The following NUDT16 variants were observed in gnomAD, a reference collection of about 807,000 sequenced individuals.
NUDT16 encodes the protein U8 snoRNA-decapping enzyme.
In NUDT16, 12 loss-of-function variants were observed where a neutral mutation model predicts 11.7. The observed-to-expected ratio is 1.03, with a 90% CI of 0.66 to 1.67. The LOEUF (loss-of-function observed/expected upper bound fraction) is 1.67. Ranked by LOEUF, NUDT16 falls within the 40% of genes most tolerant of loss-of-function variation. The pLI is 0.00. For missense variants in NUDT16, 303 were observed against 268.9 expected, an observed-to-expected ratio of 1.13 and a Z score of -0.89; for synonymous variants, 129 against 122.6, an observed-to-expected ratio of 1.05 and a Z score of -0.35.
upstream of NUDT16, chr3:131,381,671 A>C: frequency 6.2e-6 from 6 of 966,792 alleles, no homozygotes; most frequent in Non-Finnish European, 1.5e-6. Context: ...CCCCGCCCCC[A>C]GGCGCCTAGG....
At chr3:131,382,650 C>G (rs1708115503) in intron 2 of NUDT16, 1 of 1,456,312 alleles carries the variant, frequency 6.9e-7, no homozygotes, top group South Asian at 1.4e-5. Context: ...GTTTGCTTTT[C>G]TTGTGTAGGA....
In NUDT16 at chr3:131,382,098, C is replaced by T. The variant is rs767264384; in HGVS notation, c.191C>T (p.Thr64Met). The T allele has an allele frequency of 3.1e-6, 5 of 1,598,802 alleles. No individual in the cohort carries two copies. Among genetic ancestry groups the T allele is most frequent in the Non-Finnish European group, 4.3e-6 (5 of 1,172,534 alleles). The change falls in exon 2 of 3, where the codon ACG becomes ATG. Residue 64 changes from threonine (T) to methionine (M), a missense_variant. Physicochemically the swap from Thr to Met is moderately conservative, Grantham distance 81 (BLOSUM62 -1). Coordinates refer to ENST00000521288, the MANE Select transcript of NUDT16 (RefSeq NM_152395.3). ...GGCTTCCCCGGCGGATTCGTGGACA[C>T]GCAGGACAGAAGCCTAGAGGACGGG... Reference protein sequence around the residue: ...RLGFPGGFVDTQDRSLEDGLN... With the variant: ...RLGFPGGFVDMQDRSLEDGLN...
In NUDT16 at chr3:131,381,998, G is replaced by A. The variant is rs1180260093; in HGVS notation, c.139-48G>A. The A allele has an allele frequency of 3.8e-6, 6 of 1,589,020 alleles. No homozygotes were observed. In the African/African-American group the frequency reaches 5.4e-5, roughly 14 times the overall value. ...GCCTGAGCCCCGCACCCTCTCTGGT[G>A]GTCTCCTCTGGGGCGCCCCTGCCAA... On this transcript the variant is annotated intron_variant, in intron 1 of 2. Transcript: ENST00000521288.
chr3:131,381,803 C>G lies in NUDT16; in HGVS notation c.-2C>G. On this transcript the variant is annotated 5_prime_UTR_variant, in exon 1 of 3. Transcript: ENST00000521288. The stretch of plus-strand genomic sequence containing the variant: ...GGGACAGCAGAGGAGCAGTGTCCGG[C>G]CATGGCCGGAGCCCGCAGGCTGGAG... 6.5e-7 allele frequency: 1 copy of G among 1,549,588 alleles called. No individual in the cohort carries two copies. Among genetic ancestry groups the G allele is most frequent in the Non-Finnish European group, 8.7e-7 (1 of 1,154,226 alleles).
chr3:131,383,706 C>T lies in NUDT16; in HGVS notation c.*365C>T. ...CTTGAAGTGGCATTTGTCACACTAC[C>T]CTGGTCCCTGATTGCAAGGAGCTTC... On this transcript the variant is annotated 3_prime_UTR_variant, in exon 3 of 3. Coordinates refer to ENST00000521288, the MANE Select transcript of NUDT16 (RefSeq NM_152395.3). This position sits in a 1 kb window ranked among gnomAD's most constrained non-coding sequence, Gnocchi z 4.4. The T allele has an allele frequency of 2.0e-6, 1 of 488,898 alleles. No homozygotes were observed. Among genetic ancestry groups the T allele is most frequent in the Non-Finnish European group, 3.7e-6 (1 of 270,888 alleles). The allele number at this position is 488,898 out of a possible 1,614,324, so 30.3% of individuals were successfully genotyped here.
chr3:131,382,750 G>A, intron 2 of NUDT16: 2 of 1,344,336 alleles, frequency 1.5e-6, no homozygotes, highest in Non-Finnish European at 1.9e-6. Flanking sequence ...AATCATCGGG[G>A]CGTCTTATTA....
In NUDT16 at chr3:131,385,278, G is replaced by C. The variant is rs2097459250; in HGVS notation, c.*1937G>C. ...GAGAGGTGGAGCAATCTCAGGTAAA[G>C]GCAAAATAGAGGGTATGACCTGGGG... On this transcript the variant is annotated 3_prime_UTR_variant, in exon 3 of 3. Transcript: ENST00000521288. 1 of 152,312 alleles carries C rather than the reference G, an allele frequency of 6.6e-6. No individual in the cohort carries two copies. Among genetic ancestry groups the C allele is most frequent in the Admixed American group, 6.5e-5 (1 of 15,282 alleles). The allele number at this position is 152,312 out of a possible 1,614,324, so 9.4% of individuals were successfully genotyped here. A position where few individuals can be genotyped will look rare whatever the true frequency, so the allele number is the denominator to read the frequency against.
At position 131,383,732 on chromosome 3, in the gene NUDT16, T is replaced by A. The variant is rs929938832; in HGVS notation, c.*391T>A. The stretch of plus-strand genomic sequence containing the variant: ...CTGGTCCCTGATTGCAAGGAGCTTC[T>A]GAAGCAAGGGTGAATCCTTCCCACA... On this transcript the variant is annotated 3_prime_UTR_variant, in exon 3 of 3. Transcript: ENST00000521288. The surrounding 1 kb of genome is among the most constrained non-coding windows in gnomAD (Gnocchi z 4.4). 2 of 434,572 alleles carry A rather than the reference T, an allele frequency of 4.6e-6. No individual in the cohort carries two copies. The highest frequency in any genetic ancestry group is 8.4e-6 in the Non-Finnish European group (2 of 237,312). 26.9% of individuals were successfully genotyped at this position (434,572 alleles called of 1,614,324 possible). A position where few individuals can be genotyped will look rare whatever the true frequency, so the allele number is the denominator to read the frequency against.
intron 2 of NUDT16, chr3:131,382,676 T>A (rs939894352): frequency 3.5e-6 from 5 of 1,440,770 alleles, no homozygotes; most frequent in Non-Finnish European, 4.5e-6. Context: ...GGCCCTGATA[T>A]TTCAGGCAGG....
upstream of NUDT16, chr3:131,381,766 C>T (rs377487915): frequency 4.2e-5 from 65 of 1,532,494 alleles, no homozygotes; most frequent in East Asian, 4.9e-4. Flanking sequence ...CCCCTCTGCC[C>T]ATTGGGCCTT....
In NUDT16 at chr3:131,384,240, C is replaced by T. The variant is rs2874; in HGVS notation, c.*899C>T. On this transcript the variant is annotated 3_prime_UTR_variant, in exon 3 of 3. Coordinates refer to ENST00000521288, the MANE Select transcript of NUDT16 (RefSeq NM_152395.3). ...AAGTTTGGGCAGAGGGAACCAGGCA[C>T]GTTAAAGAAGACAGAAAGCGGACTA... is the stretch of plus-strand genomic sequence containing the variant. 0.036 allele frequency: 5,466 copies of T among 152,254 alleles called. 336 individuals are homozygous for T. The highest frequency in any genetic ancestry group is 0.12 in the African/African-American group (4,995 of 41,468). 9.4% of individuals were successfully genotyped at this position (152,254 alleles called of 1,614,324 possible).
Position 131,385,355 on chromosome 3 carries a change from G to A in NUDT16, c.*2014G>A, listed in dbSNP as rs1414068980. 2 of 152,564 alleles carry A rather than the reference G, an allele frequency of 1.3e-5. No individual in the cohort carries two copies. Among genetic ancestry groups the A allele is most frequent in the East Asian group, 1.9e-4 (1 of 5,182 alleles). The allele number at this position is 152,564 out of a possible 1,614,324, so 9.5% of individuals were successfully genotyped here. A position where few individuals can be genotyped will look rare whatever the true frequency, so the allele number is the denominator to read the frequency against. On this transcript the variant is annotated 3_prime_UTR_variant, in exon 3 of 3. Coordinates refer to ENST00000521288, the MANE Select transcript of NUDT16 (RefSeq NM_152395.3). The stretch of plus-strand genomic sequence containing the variant: ...TTAAGAAGTGAAATCTAGGGTTGGC[G>A]AGGCTGGAGGGCAGGGTGAGCCTCC...
chr3:131,383,204 G>T lies in NUDT16; in HGVS notation c.451G>T (p.Gly151Cys), dbSNP rs752949949. The T allele has an allele frequency of 1.2e-6, 2 of 1,613,680 alleles. No homozygotes were observed. The highest frequency in any genetic ancestry group is 1.7e-6 in the Non-Finnish European group (2 of 1,180,018). The change falls in exon 3 of 3, where the codon GGT (glycine) becomes TGT (cysteine). Residue 151 changes from glycine to cysteine, a missense_variant. Physicochemically the swap from Gly to Cys is radical, Grantham distance 159. Coordinates refer to ENST00000521288, the MANE Select transcript of NUDT16 (RefSeq NM_152395.3). The surrounding 1 kb of genome is among the most constrained non-coding windows in gnomAD (Gnocchi z 4.4). ...AGTGCCCCTGTATACCCTGCGGGAT[G>T]GTGTAGGAGGCCTGCCTACCTTCCT... ...VRVPLYTLRD[G>C]VGGLPTFLEN...
At chr3:131,382,624 A>C in intron 2 of NUDT16, 1 of 1,477,382 alleles carries the variant, frequency 6.8e-7, no homozygotes, top group South Asian at 1.3e-5. Flanking sequence ...GTGGCAACCT[A>C]GGTTTTATTC....
Position 131,381,963 on chromosome 3 carries a change from GCCACTTTCTGCCTGAGCCCC to G in NUDT16, c.138+22_138+41del, listed in dbSNP as rs767675204. The G allele has an allele frequency of 1.2e-5, 20 of 1,602,192 alleles. No homozygotes were observed. In the African/African-American group the frequency reaches 2.4e-4, roughly 19 times the overall value. On this transcript the variant is annotated intron_variant, in intron 1 of 2. Transcript: ENST00000521288. Reference sequence around the variant, plus strand: ...TACTGGTGAGAAGGGGGCGCGCCCGGCCACTTTCTGCCTGAGCCCCGCACCCTCTCTGGTGGTCTCCTCTG... The same window carrying G: ...TACTGGTGAGAAGGGGGCGCGCCCGGGCACCCTCTCTGGTGGTCTCCTCTG...
chr3:131,383,438 GATGATAC>G lies in NUDT16; in HGVS notation c.*105_*111del. 1 of 1,558,298 alleles carries G rather than the reference GATGATAC, an allele frequency of 6.4e-7. No homozygotes were observed. Among genetic ancestry groups the G allele is most frequent in the Non-Finnish European group, 8.7e-7 (1 of 1,155,042 alleles). On this transcript the variant is annotated 3_prime_UTR_variant, in exon 3 of 3. Transcript: ENST00000521288. The surrounding 1 kb of genome is among the most constrained non-coding windows in gnomAD (Gnocchi z 4.4). ...GAATGTTTTCTTATTGGATCTGAGA[GATGATAC>G]ATGATACCAGATGAAAAGAAGGAGA...
At chr3:131,382,976 C>A in intron 2 of NUDT16, 186 bp from the exon 3 acceptor site, 1 of 657,598 alleles carries the variant, frequency 1.5e-6, no homozygotes, top group Non-Finnish European at 2.6e-6. Flanking sequence ...ATTGATAGAG[C>A]TAGATAATAT....
At chr3:131,382,769 A>C in intron 2 of NUDT16, 2 of 1,240,576 alleles carry the variant, frequency 1.6e-6, no homozygotes, top group South Asian at 1.9e-5. Flanking sequence ...TAAAATAGCG[A>C]TTTCTCTCAG....
chr3:131,383,084 G>C lies in NUDT16; in HGVS notation c.409-78G>C. ...GCTGGAGTATTAAGGGGTGAGGCCT[G>C]ATCTGCTGGAGAAAGGATGGAGTTA... On this transcript the variant is annotated intron_variant, in intron 2 of 2. Transcript: ENST00000521288. This position sits in a 1 kb window ranked among gnomAD's most constrained non-coding sequence, Gnocchi z 4.4. The C allele has an allele frequency of 1.3e-6, 2 of 1,490,620 alleles. No individual in the cohort carries two copies. The highest frequency in any genetic ancestry group is 3.7e-5 in the Admixed American group (2 of 53,536). The allele number at this position is 1,490,620 out of a possible 1,614,324, so 92.3% of individuals were successfully genotyped here.
Sources: allele counts gnomAD v4.1 joint callset, GRCh38; gene constraint gnomAD v4.1.1; non-coding constraint Gnocchi (gnomAD v3.1); transcripts MANE v1.5; gene names NCBI Gene and HGNC (gene_info 2026-07-23, HGNC 2026-07-21).